Variants in NBPF15 observed in about 807,000 individuals in gnomAD.
NBPF15 encodes the protein NBPF family member NBPF15.
A neutral mutation model predicts 62.2 loss-of-function variants in NBPF15; 74 were observed. The observed-to-expected ratio is 1.19, with a 90% CI of 0.99 to 1.44. NBPF15 has a LOEUF of 1.44. NBPF15 is among the 40% of genes most tolerant of loss of function. NBPF15 has a pLI of 0.00. For missense variants in NBPF15, 790 were observed against 550.0 expected (o/e 1.44, Z -4.36); for synonymous variants, 244 against 209.7 (o/e 1.16, Z -1.41).
Position 144,450,522 on chromosome 1 carries a change from C to A in NBPF15, c.-333+250G>T, listed in dbSNP as rs1414162927. On this transcript the variant is annotated intron_variant, in intron 5 of 21. Transcript: ENST00000581897. ...TAGCTTGAGCTCTAGGAATAAAACACAGCCAGCCCATTCCCGGATTTTAGC... is the reference window on the plus strand; with the variant it reads ...TAGCTTGAGCTCTAGGAATAAAACAAAGCCAGCCCATTCCCGGATTTTAGC... 3.6e-4 allele frequency among the ~76,000 whole-genome samples: 54 copies of A among 150,592 alleles called. 3 individuals carry two copies. The highest frequency in any genetic ancestry group is 6.8e-3 in the Middle Eastern group (2 of 292).
intron 2 of NBPF15, among the ~76,000 whole-genome samples, chr1:144,459,933 C>A (rs1442316355): frequency 2.0e-5 from 3 of 150,664 alleles, no homozygotes; most frequent in Non-Finnish European, 2.9e-5. Flanking sequence ...ACCTCTAAAA[C>A]CAACAATGCC....
intron 4 of NBPF15, among the ~76,000 whole-genome samples, chr1:144,452,654 C>A (rs1188455801): frequency 6.6e-6 from 1 of 150,682 alleles, no homozygotes; most frequent in African/African-American, 2.4e-5. Flanking sequence ...ACTTTTATAA[C>A]AAGTAATTCT....
intron 6 of NBPF15, among the ~76,000 whole-genome samples, chr1:144,445,670 A>T (rs1686987122): frequency 6.7e-6 from 1 of 149,984 alleles, no homozygotes; most frequent in South Asian, 2.1e-4. Context: ...GCCGCTTGGA[A>T]TTATTATTAG....
intron 4 of NBPF15, among the ~76,000 whole-genome samples, chr1:144,456,111 G>A (rs1553546896): frequency 2.0e-5 from 3 of 151,774 alleles, no homozygotes; most frequent in Non-Finnish European, 4.4e-5. Context: ...GACAGTGCAG[G>A]GCCTTAGCCT....
In NBPF15 at chr1:144,439,906, T is replaced by C. The variant is rs1553542265; in HGVS notation, c.98A>G (p.Gln33Arg). The C allele has an allele frequency of 8.1e-6, 13 of 1,611,618 alleles. No individual in the cohort carries two copies. The highest frequency in any genetic ancestry group is 1.3e-5 in the African/African-American group (1 of 74,944). ...TTTCTCTTTGAGGTTTCTGAACTGC[T>C]GTTTCTTCTCTGCCAACTGGGGGCG... ...KLRPQLAEKK[Q>R]QFRNLKEKCF... Residue 33 changes from glutamine (Q) to arginine (R), a missense_variant, in exon 8 of 22, where the codon CAG (glutamine) becomes CGG (arginine). Physicochemically the swap from Gln to Arg is conservative, Grantham distance 43. Coordinates refer to ENST00000581897, the MANE Select transcript of NBPF15 (RefSeq NM_001385408.1).
At chr1:144,425,093 C>G (rs113020224) in intron 19 of NBPF15, among the ~76,000 whole-genome samples, 4,248 of 133,208 alleles carry the variant, frequency 0.032, 2 homozygotes, top group African/African-American at 0.065. Flanking sequence ...CACACACACA[C>G]ACACACACAC....
chr1:144,446,544 T>G (rs1159318512), intron 6 of NBPF15, among the ~76,000 whole-genome samples: 1 of 152,228 alleles, frequency 6.6e-6, no homozygotes, highest in Non-Finnish European at 1.5e-5. Flanking sequence ...AATATAATGT[T>G]ACCTGTGGGT....
chr1:144,426,783 T>A (rs1455694957), intron 17 of NBPF15, among the ~76,000 whole-genome samples: 3 of 151,454 alleles, frequency 2.0e-5, no homozygotes, highest in Non-Finnish European at 2.9e-5. Flanking sequence ...GTGGGCTCAA[T>A]AATTTTCCAT....
chr1:144,427,918 A>C lies in NBPF15; in HGVS notation c.1113T>G (p.Thr371=), dbSNP rs1434971830. ...CAGTCAGTTCAAGACAACCTGAAGG[A>C]GTTGAATAACATCTATCCAGTGAGT... ...LQDSLDRCYS[T]PSGCLELTDS... is the part of the protein sequence containing the mutation. Residue 371 remains threonine (T), a synonymous_variant, in exon 16 of 22, where the codon ACT becomes ACG. Coordinates refer to ENST00000581897, the MANE Select transcript of NBPF15 (RefSeq NM_001385408.1). The C allele has an allele frequency of 4.7e-3, 3,421 of 725,072 alleles. 88 individuals carry two copies. In the African/African-American group the frequency reaches 0.052, roughly 11 times the overall value. 44.9% of individuals were successfully genotyped at this position (725,072 alleles called of 1,614,324 possible).
intron 3 of NBPF15, among the ~76,000 whole-genome samples, chr1:144,458,746 A>T (rs1650087137): frequency 6.6e-6 from 1 of 152,008 alleles, no homozygotes. Context: ...CATGTAGTAA[A>T]AAGTGAATCA....
intron 6 of NBPF15, among the ~76,000 whole-genome samples, chr1:144,442,090 C>T (rs1312505824): frequency 1.6e-5 from 2 of 123,310 alleles, no homozygotes; most frequent in Non-Finnish European, 3.3e-5. Context: ...AGCAAACAAA[C>T]ATGGCACACG....
At position 144,428,340 on chromosome 1, in the gene NBPF15, A is replaced by T. The variant is rs1182243154; in HGVS notation, c.1040+266T>A. On this transcript the variant is annotated intron_variant, in intron 15 of 21. Transcript: ENST00000581897. ...AGCATGTCCTCAATAATTTTGCATA[A>T]AATGTGCTCAAGTTTCCCTGCAGTT... 5.2e-3 allele frequency among the ~76,000 whole-genome samples: 793 copies of T among 152,032 alleles called. 13 individuals carry two copies. Among genetic ancestry groups the T allele is most frequent in the Non-Finnish European group, 8.9e-3 (604 of 67,936 alleles).
rs1441455472 is a variant in NBPF15, at chr1:144,451,351, C to T, written c.-431-481G>A. Among the ~76,000 whole-genome samples, 123 of 151,816 alleles carry T rather than the reference C, an allele frequency of 8.1e-4. 1 individual carries two copies. Among genetic ancestry groups the T allele is most frequent in the Middle Eastern group, 3.4e-3 (1 of 294 alleles). On this transcript the variant is annotated intron_variant, in intron 4 of 21. Transcript: ENST00000581897. ...GGCTTTACACCGAGACATTCCATTGCCCAGGGATGAGCAGGAGACAGATGC... is the reference window on the plus strand; with the variant it reads ...GGCTTTACACCGAGACATTCCATTGTCCAGGGATGAGCAGGAGACAGATGC...
chr1:144,425,109 C>T (rs879967275), intron 19 of NBPF15, among the ~76,000 whole-genome samples: 3,399 of 134,578 alleles, frequency 0.025, 1 homozygote, highest in Admixed American at 0.046. Flanking sequence ...CACACAGACA[C>T]ACACACACAG....
rs1216859564 is a variant in NBPF15, at chr1:144,435,434, G to T, written c.567-118C>A. ...AGAGAGTGGTCCCAGAAAGCAAAAT[G>T]GACGTTCCCATTAAGAGGGAACATG... is the stretch of plus-strand genomic sequence containing the variant. On this transcript the variant is annotated intron_variant, in intron 11 of 21. Coordinates refer to ENST00000581897, the MANE Select transcript of NBPF15 (RefSeq NM_001385408.1). The T allele has an allele frequency of 6.7e-6, 10 of 1,485,266 alleles. No homozygotes were observed. The Admixed American group carries it at 1.7e-4, about 26-fold the overall frequency. 92.0% of individuals were successfully genotyped at this position (1,485,266 alleles called of 1,614,324 possible).
chr1:144,440,985 G>A (rs1682529361), intron 6 of NBPF15, among the ~76,000 whole-genome samples: 1 of 151,654 alleles, frequency 6.6e-6, no homozygotes, highest in Non-Finnish European at 1.5e-5. Flanking sequence ...CTTTACTCAG[G>A]TGGGTATATA....
intron 3 of NBPF15, 121 bp downstream of exon 3, chr1:144,459,245 C>A (rs1208038822): frequency 6.6e-6 from 1 of 152,006 alleles, no homozygotes; most frequent in Non-Finnish European, 1.5e-5. Context: ...AATCCCAACA[C>A]TTTGGGAGGC....
chr1:144,434,714 T>C (rs1676930579), intron 12 of NBPF15, among the ~76,000 whole-genome samples: 1 of 151,488 alleles, frequency 6.6e-6, no homozygotes, highest in South Asian at 2.1e-4. Flanking sequence ...CAGTGAAGCC[T>C]GAGGAACGAT....
intron 15 of NBPF15, among the ~76,000 whole-genome samples, 197 bp downstream of exon 15, chr1:144,428,409 G>T (rs1553539734): frequency 6.6e-6 from 1 of 152,028 alleles, no homozygotes; most frequent in African/African-American, 2.4e-5. Context: ...CCTTCACTAG[G>T]TTAGTAAATG....
Sources: allele counts gnomAD v4.1 joint callset (sites outside exome capture counted in the v4.1 genomes callset), GRCh38; gene constraint gnomAD v4.1.1; transcripts MANE v1.5; gene names NCBI Gene and HGNC (gene_info 2026-07-23, HGNC 2026-07-21).